KANSL1: variants seen among roughly 807,000 people sequenced by gnomAD.
The protein encoded by KANSL1 is MLL1/MLL complex subunit KANSL1.
A neutral mutation model predicts 103.6 loss-of-function variants in KANSL1; 22 were observed. The observed-to-expected ratio is 0.21, with a 90% CI of 0.15 to 0.30. The LOEUF (loss-of-function observed/expected upper bound fraction) is 0.30, where lower values mean the gene tolerates loss of function less well. Among genes scored for constraint, KANSL1 ranks in the 10% least tolerant of loss-of-function variants. KANSL1 has a pLI of 1.00. For missense variants in KANSL1, 1,337 were observed against 1,399.8 expected (o/e 0.96, Z 0.72); for synonymous variants, 600 against 527.6 (o/e 1.14, Z -1.88).
chr17:46,093,906 C>CA (rs1299851128), intron 3 of KANSL1: 1 of 152,236 alleles, frequency 6.6e-6, no homozygotes, highest in Non-Finnish European at 1.5e-5. Flanking sequence ...ATCTTACCAT[C>CA]AGTAGCATCT....
At chr17:46,091,859 C>T (rs1214361263) in intron 3 of KANSL1, among the ~76,000 whole-genome samples, 2 of 127,460 alleles carry the variant, frequency 1.6e-5, no homozygotes, top group Non-Finnish European at 3.9e-5. Context: ...CTCTGCTTTG[C>T]CCAGGCTGGA....
At chr17:46,038,795 T>C (rs1455990505) in intron 9 of KANSL1, 109 bp from the exon 10 acceptor site, 13 of 1,417,626 alleles carry the variant, frequency 9.2e-6, no homozygotes, top group Non-Finnish European at 1.2e-5. Flanking sequence ...AAATGTTTTC[T>C]ATGCCTAGAG....
chr17:46,196,110 G>C (rs550747767), upstream of KANSL1: 103 of 336,548 alleles, frequency 3.1e-4, no homozygotes, highest in South Asian at 2.3e-3. Flanking sequence ...AAGTGTGGTA[G>C]CATGTGCTTA....
chr17:46,046,796 G>A (rs1457571389), intron 7 of KANSL1, among the ~76,000 whole-genome samples: 2 of 142,804 alleles, frequency 1.4e-5, no homozygotes, highest in Admixed American at 1.5e-4. Flanking sequence ...GAGATTGCAC[G>A]ACTGCACTCC....
intron 1 of KANSL1, among the ~76,000 whole-genome samples, chr17:46,205,890 C>T (rs1278169755): frequency 6.6e-6 from 1 of 151,872 alleles, no homozygotes; most frequent in Non-Finnish European, 1.5e-5. Flanking sequence ...TCAGACTAGG[C>T]AACATGGCAA....
intron 1 of KANSL1, chr17:46,222,036 A>AC (rs949163033): frequency 1.4e-5 from 2 of 147,090 alleles, no homozygotes; most frequent in Admixed American, 1.4e-4. Context: ...AGAAAACATT[A>AC]CCCCCCAAAA....
At chr17:46,057,471 G>T (rs2077974121) in intron 6 of KANSL1, among the ~76,000 whole-genome samples, 2 of 152,068 alleles carry the variant, frequency 1.3e-5, no homozygotes, top group South Asian at 2.1e-4. Context: ...AAGAAAAACA[G>T]AAATGATACA....
chr17:46,172,667 C>T (rs1270111251), intron 1 of KANSL1, among the ~76,000 whole-genome samples: 1 of 152,212 alleles, frequency 6.6e-6, no homozygotes, highest in African/African-American at 2.4e-5. Flanking sequence ...AAAAAGTATG[C>T]CAAATATCAC....
chr17:46,137,061 G>A (rs2044182900), intron 2 of KANSL1, among the ~76,000 whole-genome samples: 1 of 152,108 alleles, frequency 6.6e-6, no homozygotes, highest in African/African-American at 2.4e-5. Flanking sequence ...GGCACAGCTG[G>A]AGTACAGTAT....
At chr17:46,128,384 C>G (rs2043678676) in intron 2 of KANSL1, among the ~76,000 whole-genome samples, 1 of 151,962 alleles carries the variant, frequency 6.6e-6, no homozygotes, top group African/African-American at 2.4e-5. Flanking sequence ...CAGCAGTGAA[C>G]AAGGCAAAGC....
chr17:46,051,520 A>T (rs1369540947), intron 6 of KANSL1, among the ~76,000 whole-genome samples: 1 of 152,200 alleles, frequency 6.6e-6, no homozygotes, highest in Admixed American at 6.5e-5. Context: ...TAAAAACTGA[A>T]CATCTACAAT....
At position 46,075,246 on chromosome 17, in the gene KANSL1, C is replaced by T. The variant is rs535095168; in HGVS notation, c.1533+7195G>A. 4.6e-5 allele frequency among the ~76,000 whole-genome samples: 7 copies of T among 152,264 alleles called. No individual in the cohort carries two copies. In the South Asian group the frequency reaches 1.0e-3, roughly 23 times the overall value. ...TCAATGTTAATTTCAATGTTAATTT[C>T]GTGGTTCTGATAATTAACGATTATT... On this transcript the variant is annotated intron_variant, in intron 4 of 14. Coordinates refer to ENST00000432791, the MANE Select transcript of KANSL1 (RefSeq NM_015443.4).
intron 1 of KANSL1, among the ~76,000 whole-genome samples, chr17:46,215,826 A>G (rs879806859): frequency 2.6e-5 from 4 of 152,206 alleles, no homozygotes; most frequent in Admixed American, 2.6e-4. Flanking sequence ...GGATCACCTG[A>G]GGTCAGGAGT....
At chr17:46,132,182 A>C (rs1002890514) in intron 2 of KANSL1, among the ~76,000 whole-genome samples, 3 of 152,212 alleles carry the variant, frequency 2.0e-5, no homozygotes, top group Non-Finnish European at 4.4e-5. Context: ...GAGAAACCAA[A>C]GGAAGCAATT....
intron 2 of KANSL1, among the ~76,000 whole-genome samples, chr17:46,165,422 C>T (rs4792845): frequency 0.14 from 21,950 of 151,892 alleles, 2,135 homozygotes; most frequent in Non-Finnish European, 0.22. Flanking sequence ...TTAGTAGAGA[C>T]GGCGTTTCAC....
intron 3 of KANSL1, among the ~76,000 whole-genome samples, chr17:46,087,625 C>A (rs1444923165): frequency 1.3e-5 from 2 of 152,110 alleles, no homozygotes; most frequent in African/African-American, 4.8e-5. Flanking sequence ...GATGTCAGAG[C>A]AGAAAAGAGC....
At chr17:46,047,803 A>T (rs975933965) in intron 7 of KANSL1, among the ~76,000 whole-genome samples, 7 of 34,480 alleles carry the variant, frequency 2.0e-4, no homozygotes, top group Non-Finnish European at 4.2e-4. Context: ...AATAAAAATT[A>T]AAAAAAAAAA....
intron 2 of KANSL1, among the ~76,000 whole-genome samples, chr17:46,108,113 G>A (rs8070420): frequency 1.3e-5 from 2 of 151,796 alleles, no homozygotes; most frequent in Non-Finnish European, 2.9e-5. Context: ...GGATAAGTTC[G>A]ATCATGTCAC....
At chr17:46,135,325 G>A (rs1339060667) in intron 2 of KANSL1, among the ~76,000 whole-genome samples, 1 of 151,122 alleles carries the variant, frequency 6.6e-6, no homozygotes, top group African/African-American at 2.4e-5. Flanking sequence ...ATGCACACAT[G>A]GGAAGGTTCA....
Sources: gnomAD v4.1 joint callset for allele counts (sites outside exome capture counted in the v4.1 genomes callset) on GRCh38, gnomAD v4.1.1 for gene constraint, MANE v1.5 for transcripts, NCBI Gene and HGNC (gene_info 2026-07-23, HGNC 2026-07-21) for gene names.